Variants in NTM observed in about 807,000 individuals in gnomAD.
NTM encodes neurotrimin, also known as IgLON family member 2.
Under a neutral mutation model 42.1 loss-of-function variants are expected in NTM, and 13 were observed. The observed-to-expected ratio is 0.31, with a 90% confidence interval of 0.20 to 0.49. The LOEUF is 0.49. Ranked by LOEUF, NTM falls within the 20% of genes least tolerant of loss-of-function variation. NTM has a pLI of 0.99. For missense variants in NTM, 373 were observed against 452.8 expected, an observed-to-expected ratio of 0.82 and a Z score of 1.60; for synonymous variants, 187 against 179.2, an observed-to-expected ratio of 1.04 and a Z score of -0.35.
chr11:132,282,566 T>C (rs1259281000), intron 4 of NTM, among the ~76,000 whole-genome samples: 1 of 152,192 alleles, frequency 6.6e-6, no homozygotes, highest in African/African-American at 2.4e-5. Flanking sequence ...GAAAAGCTCA[T>C]GTTTTCCAAA....
At chr11:132,270,770 A>G (rs1158887732) in intron 4 of NTM, among the ~76,000 whole-genome samples, 1 of 152,130 alleles carries the variant, frequency 6.6e-6, no homozygotes, top group Admixed American at 6.6e-5. Context: ...TACACCAAAA[A>G]TATATAAGCC....
chr11:131,493,164 G>A (rs1180960686), intron 1 of NTM, among the ~76,000 whole-genome samples: 3 of 152,132 alleles, frequency 2.0e-5, no homozygotes, highest in African/African-American at 7.2e-5. Flanking sequence ...CCTGAGTCCA[G>A]GGAGGTTGAT....
rs547308156 is a variant in NTM, at chr11:132,307,905, C to T, written c.661+82C>T. ...AGCCACCACCCAGAGCCCATTGGCA[C>T]AGCCAGCTACTGACTTAGGGTGGGA... is the stretch of plus-strand genomic sequence containing the variant. On this transcript the variant is annotated intron_variant, in intron 5 of 8. Coordinates refer to ENST00000683400, the MANE Select transcript of NTM (RefSeq NM_001352005.2). The T allele has an allele frequency of 2.4e-5, 32 of 1,344,772 alleles. 1 individual carries two copies. In the South Asian group the frequency reaches 3.5e-4, roughly 15 times the overall value. The allele number at this position is 1,344,772 out of a possible 1,614,324, so 83.3% of individuals were successfully genotyped here.
chr11:131,885,605 T>C (rs2050263824), intron 1 of NTM, among the ~76,000 whole-genome samples: 1 of 152,114 alleles, frequency 6.6e-6, no homozygotes, highest in African/African-American at 2.4e-5. Flanking sequence ...CCCCATCCAA[T>C]TCCATTTTCA....
At chr11:132,275,690 T>TTTTATATATATG in intron 4 of NTM, among the ~76,000 whole-genome samples, 1 of 100,172 alleles carries the variant, frequency 1.0e-5, no homozygotes, top group Middle Eastern at 5.5e-3. Flanking sequence ...ACTTGATGTT[T>TTTTATATATATG]TATATATATA....
At position 132,176,722 on chromosome 11, in the gene NTM, G is replaced by GTTTTTTTTTT. The variant is rs148699196; in HGVS notation, c.400+30223_400+30232dup. Among the ~76,000 whole-genome samples the GTTTTTTTTTT allele has an allele frequency of 1.6e-4, 13 of 82,014 alleles. 2 individuals carry two copies. Among genetic ancestry groups the GTTTTTTTTTT allele is most frequent in the East Asian group, 3.9e-4 (1 of 2,554 alleles). 53.8% of individuals were successfully genotyped at this position (82,014 alleles called of 152,430 possible). A position where few individuals can be genotyped will look rare whatever the true frequency, so the allele number is the denominator to read the frequency against. Reference sequence around the variant, plus strand: ...TCCTAGTTGAGTATACATGCCTAAAGTTTTTTTTTTTTTTTTTTTTTTTTA... The same window carrying GTTTTTTTTTT: ...TCCTAGTTGAGTATACATGCCTAAAGTTTTTTTTTTTTTTTTTTTTTTTTTTTTTTTTTTA... On this transcript the variant is annotated intron_variant, in intron 3 of 8. Coordinates refer to ENST00000683400, the MANE Select transcript of NTM (RefSeq NM_001352005.2).
intron 1 of NTM, among the ~76,000 whole-genome samples, chr11:131,516,961 A>G (rs1451595855): frequency 1.3e-5 from 2 of 152,204 alleles, no homozygotes. Context: ...AATATGACAT[A>G]TAGAGTGGCT....
intron 1 of NTM, among the ~76,000 whole-genome samples, chr11:131,619,582 G>C (rs2062311237): frequency 6.6e-6 from 1 of 152,136 alleles, no homozygotes; most frequent in Non-Finnish European, 1.5e-5. Flanking sequence ...AAATGGTGGG[G>C]CATTGGCAAC....
At chr11:131,836,163 C>T (rs1371512989) in intron 1 of NTM, among the ~76,000 whole-genome samples, 2 of 152,160 alleles carry the variant, frequency 1.3e-5, no homozygotes, top group African/African-American at 2.4e-5. Flanking sequence ...AAGCTGTATG[C>T]TTATGATGTG....
chr11:131,834,056 A>G (rs971956179), intron 1 of NTM, among the ~76,000 whole-genome samples: 5 of 152,184 alleles, frequency 3.3e-5, no homozygotes, highest in African/African-American at 7.2e-5. Context: ...AACATCTGGC[A>G]TAAGTACAGT....
intron 1 of NTM, among the ~76,000 whole-genome samples, chr11:131,782,917 A>C (rs1591803601): frequency 6.6e-6 from 1 of 152,276 alleles, no homozygotes; most frequent in East Asian, 1.9e-4. Flanking sequence ...CTCTAAGAAT[A>C]AGAACGAGAA....
chr11:131,906,323 A>G (rs767428198), intron 1 of NTM, among the ~76,000 whole-genome samples: 10 of 152,140 alleles, frequency 6.6e-5, no homozygotes, highest in Non-Finnish European at 1.0e-4. Flanking sequence ...TCTGACAGGT[A>G]GAGTAGAAAG....
At chr11:131,723,719 C>T (rs1291985072) in intron 1 of NTM, among the ~76,000 whole-genome samples, 1 of 152,138 alleles carries the variant, frequency 6.6e-6, no homozygotes, top group Non-Finnish European at 1.5e-5. Flanking sequence ...AGATAGTTTG[C>T]TTCTTGTGTC....
intron 1 of NTM, among the ~76,000 whole-genome samples, chr11:131,835,756 C>T (rs2043407426): frequency 6.6e-6 from 1 of 152,110 alleles, no homozygotes; most frequent in Non-Finnish European, 1.5e-5. Flanking sequence ...CACCAAAAGA[C>T]ATTTTACAAA....
intron 1 of NTM, among the ~76,000 whole-genome samples, chr11:131,391,575 CTT>C (rs71067306): frequency 0.82 from 88,669 of 108,358 alleles, 35,901 homozygotes; most frequent in Admixed American, 0.84. Context: ...GTTGACAAGT[CTT>C]TTTTTTTTTT....
Position 132,267,006 on chromosome 11 carries a change from C to A in NTM, c.527-40683C>A, listed in dbSNP as rs116068936. Reference sequence around the variant, plus strand: ...CAAATCATGACGGAAATAACCAACACTGCAGTTCAAATAGCAGAGGAAAGA... The same window carrying A: ...CAAATCATGACGGAAATAACCAACAATGCAGTTCAAATAGCAGAGGAAAGA... On this transcript the variant is annotated intron_variant, in intron 4 of 8. Coordinates refer to ENST00000683400, the MANE Select transcript of NTM (RefSeq NM_001352005.2). Among the ~76,000 whole-genome samples, 384 of 152,286 alleles carry A rather than the reference C, an allele frequency of 2.5e-3. 1 individual carries two copies. Among genetic ancestry groups the A allele is most frequent in the African/African-American group, 8.7e-3 (360 of 41,556 alleles).
chr11:131,554,024 C>T (rs1008687958), intron 1 of NTM, among the ~76,000 whole-genome samples: 5 of 152,206 alleles, frequency 3.3e-5, no homozygotes, highest in African/African-American at 1.2e-4. Flanking sequence ...ATCAACTGTT[C>T]AAGGACCAGA....
intron 2 of NTM, among the ~76,000 whole-genome samples, chr11:132,052,765 C>T (rs1427037326): frequency 2.2e-5 from 3 of 139,146 alleles, no homozygotes; most frequent in Non-Finnish European, 4.6e-5. Context: ...ACGTATTTTC[C>T]AGGCTCACTG....
intron 4 of NTM, among the ~76,000 whole-genome samples, chr11:132,232,236 G>T (rs896713754): frequency 6.6e-6 from 1 of 152,164 alleles, no homozygotes. Context: ...CTTGCCAAGC[G>T]CTCAGAGGGG....
Sources: gnomAD v4.1 joint callset for allele counts (sites outside exome capture counted in the v4.1 genomes callset) on GRCh38, gnomAD v4.1.1 for gene constraint, MANE v1.5 for transcripts, NCBI Gene and HGNC (gene_info 2026-07-23, HGNC 2026-07-21) for gene names.